UHRF2: variants seen among roughly 807,000 people sequenced by gnomAD.
The protein encoded by UHRF2 is E3 ubiquitin-protein ligase UHRF2.
Under a neutral mutation model 96.8 loss-of-function variants are expected in UHRF2, and 23 were observed. The ratio of observed to expected loss-of-function variants is 0.24; its 90% CI spans 0.17 to 0.34. The LOEUF (loss-of-function observed/expected upper bound fraction) is 0.34, where lower values mean the gene tolerates loss of function less well. UHRF2 is among the 10% of genes least tolerant of loss of function. The pLI, the probability that UHRF2 is intolerant of heterozygous loss-of-function variation, is 1.00. For synonymous variants in UHRF2, 385 were observed against 332.6 expected (o/e 1.16, Z -1.72); for missense variants, 685 against 981.5 (o/e 0.70, Z 4.04).
chr9:6,424,541 G>A (rs1820130843), intron 2 of UHRF2, among the ~76,000 whole-genome samples: 1 of 151,990 alleles, frequency 6.6e-6, no homozygotes. Flanking sequence ...ACTTATTTTA[G>A]AACAGTTTTA....
At position 6,504,711 on chromosome 9, in the gene UHRF2, C is replaced by T; in HGVS notation, c.2262+20C>T. 6.3e-7 allele frequency: 1 copy of T among 1,584,868 alleles called. No homozygotes were observed. Among genetic ancestry groups the T allele is most frequent in the Non-Finnish European group, 8.7e-7 (1 of 1,155,554 alleles). On this transcript the variant is annotated intron_variant, in intron 15 of 15. Transcript: ENST00000276893. ...TGTAAAGTAAGTAGAATTCCTTCCT[C>T]ACTTTCCCTGTTAGGTATGAAGGCA...
At position 6,477,468 on chromosome 9, in the gene UHRF2, G is replaced by A. The variant is rs541689029; in HGVS notation, c.974-154G>A. 9.2e-5 allele frequency among the ~76,000 whole-genome samples: 14 copies of A among 152,054 alleles called. No homozygotes were observed. The South Asian group carries it at 2.7e-3, about 29-fold the overall frequency. Reference sequence around the variant, plus strand: ...TTGAACCCGGGAGGCAGAGGCTGCAGTGAGCCAAGATCACGCCATTGCACT... The same window carrying A: ...TTGAACCCGGGAGGCAGAGGCTGCAATGAGCCAAGATCACGCCATTGCACT... On this transcript the variant is annotated intron_variant, in intron 5 of 15. Coordinates refer to ENST00000276893, the MANE Select transcript of UHRF2 (RefSeq NM_152896.3).
chr9:6,497,856 T>G (rs889811948), intron 11 of UHRF2, among the ~76,000 whole-genome samples, 162 bp from the exon 12 acceptor site: 3 of 152,210 alleles, frequency 2.0e-5, no homozygotes, highest in Non-Finnish European at 4.4e-5. Flanking sequence ...GGAATTAAGG[T>G]CAAAACTGTT....
chr9:6,487,182 C>CTTTTTTTTTTTTTTTTTTTTTTTTTTTT (rs1171978950), intron 9 of UHRF2, among the ~76,000 whole-genome samples: 7 of 69,578 alleles, frequency 1.0e-4, no homozygotes, highest in African/African-American at 3.2e-4. Context: ...TTTTTTTTTC[C>CTTTTTTTTTTTTTTTTTTTTTTTTTTTT]TTTTTTTTTT....
rs1245611107 is a variant in UHRF2 at position 6,500,646 on chromosome 9, C to T, written c.2100C>T (p.Ile700=). The stretch of plus-strand genomic sequence containing the variant: ...TAACTCCTCAACAGCAACATCTCAT[C>T]AGAGAAGATTGTCAAAACCAGAAGC... ...FQLTPQQQHL[I]REDCQNQKLW... is the part of the protein sequence containing the mutation. The change falls in exon 14 of 16, where the codon ATC becomes ATT. Residue 700 remains isoleucine, a synonymous_variant. Transcript: ENST00000276893. The T allele has an allele frequency of 2.5e-6, 4 of 1,613,818 alleles. No homozygotes were observed. Among genetic ancestry groups the T allele is most frequent in the East Asian group, 2.2e-5 (1 of 44,876 alleles).
intron 3 of UHRF2, among the ~76,000 whole-genome samples, chr9:6,459,272 A>G (rs958403415): frequency 6.6e-6 from 1 of 152,362 alleles, no homozygotes; most frequent in East Asian, 1.9e-4. Context: ...AATGGAGACT[A>G]TCGGAATATG....
chr9:6,504,062 G>A (rs2130978772), intron 14 of UHRF2, among the ~76,000 whole-genome samples: 1 of 115,784 alleles, frequency 8.6e-6, no homozygotes, highest in African/African-American at 3.5e-5. Context: ...GTCTCGCTCT[G>A]TCACCCAGGC....
chr9:6,429,637 C>CT (rs1469948518), intron 2 of UHRF2, among the ~76,000 whole-genome samples: 5 of 152,236 alleles, frequency 3.3e-5, no homozygotes, highest in African/African-American at 7.2e-5. Flanking sequence ...GGGCTATACT[C>CT]TGAGTTTTAA....
chr9:6,430,685 C>A (rs1474599911), intron 2 of UHRF2, among the ~76,000 whole-genome samples: 1 of 152,096 alleles, frequency 6.6e-6, no homozygotes, highest in African/African-American at 2.4e-5. Context: ...TAGAGGCCAC[C>A]CCTACAATCC....
At position 6,506,278 on chromosome 9, in the gene UHRF2, A is replaced by T; in HGVS notation, c.*99A>T. On this transcript the variant is annotated 3_prime_UTR_variant, in exon 16 of 16. Transcript: ENST00000276893. ...GAAGAAATGGTGGACTGTATCTCTC[A>T]CGTTCTGAAGCAGCTAATCCTCTTT... is the stretch of plus-strand genomic sequence containing the variant. The T allele has an allele frequency of 6.7e-7, 1 of 1,481,498 alleles. No individual in the cohort carries two copies. Among genetic ancestry groups the T allele is most frequent in the Non-Finnish European group, 9.1e-7 (1 of 1,093,178 alleles). The allele number at this position is 1,481,498 out of a possible 1,614,324, so 91.8% of individuals were successfully genotyped here.
intron 9 of UHRF2, 72 bp from the exon 10 acceptor site, chr9:6,493,754 G>C (rs1326088075): frequency 3.0e-6 from 4 of 1,324,824 alleles, no homozygotes; most frequent in Non-Finnish European, 4.2e-6. Flanking sequence ...GAAATGTTTT[G>C]ACTCTGAAAT....
At chr9:6,481,927 G>C (rs1254885672) in intron 7 of UHRF2, 65 bp from the exon 8 acceptor site, 2 of 1,580,456 alleles carry the variant, frequency 1.3e-6, no homozygotes, top group South Asian at 1.2e-5. Flanking sequence ...TCACATCTCA[G>C]AATTAAGGGC....
intron 3 of UHRF2, among the ~76,000 whole-genome samples, chr9:6,443,349 A>C (rs1047913196): frequency 1.3e-5 from 2 of 152,170 alleles, no homozygotes; most frequent in Non-Finnish European, 2.9e-5. Flanking sequence ...TGAAGTGTAG[A>C]TGTTTTCTTA....
intron 5 of UHRF2, 32 bp downstream of exon 5, chr9:6,475,532 A>G: frequency 5.8e-6 from 8 of 1,383,118 alleles, no homozygotes; most frequent in Non-Finnish European, 8.0e-6. Flanking sequence ...CTTAGACTAC[A>G]TGTGTTGTAC....
chr9:6,470,394 C>A (rs534886911), intron 4 of UHRF2, among the ~76,000 whole-genome samples: 33 of 151,214 alleles, frequency 2.2e-4, no homozygotes, highest in South Asian at 8.4e-4. Flanking sequence ...CTTAAAATAT[C>A]TTTTTCATGA....
At chr9:6,502,841 C>T (rs1157656370) in intron 14 of UHRF2, among the ~76,000 whole-genome samples, 1 of 152,168 alleles carries the variant, frequency 6.6e-6, no homozygotes, top group Non-Finnish European at 1.5e-5. Context: ...TTTCCAGCAT[C>T]TCCACATAAT....
At chr9:6,478,880 A>G (rs1171727501) in intron 6 of UHRF2, among the ~76,000 whole-genome samples, 1 of 152,108 alleles carries the variant, frequency 6.6e-6, no homozygotes, top group East Asian at 1.9e-4. Context: ...CACACTCTGA[A>G]TTTTACCATC....
chr9:6,470,473 A>G (rs1361255966), intron 4 of UHRF2, among the ~76,000 whole-genome samples: 1 of 152,218 alleles, frequency 6.6e-6, no homozygotes, highest in Non-Finnish European at 1.5e-5. Flanking sequence ...TTCACCATCA[A>G]CAGACAGGCA....
chr9:6,499,820 C>T lies in UHRF2; in HGVS notation c.1909-15C>T. The T allele has an allele frequency of 6.4e-7, 1 of 1,564,850 alleles. No individual in the cohort carries two copies. The highest frequency in any genetic ancestry group is 8.7e-7 in the Non-Finnish European group (1 of 1,154,936). The stretch of plus-strand genomic sequence containing the variant: ...TTAAATCTGCATTGTACTCTCCCTC[C>T]TCCCCCCCCATCAGTATCCAGCAGG... On this transcript the variant is annotated splice_polypyrimidine_tract_variant and intron_variant, in intron 12 of 15. Transcript: ENST00000276893.
Sources: allele counts gnomAD v4.1 joint callset (sites outside exome capture counted in the v4.1 genomes callset), GRCh38; gene constraint gnomAD v4.1.1; transcripts MANE v1.5; gene names NCBI Gene and HGNC (gene_info 2026-07-23, HGNC 2026-07-21).